TFAP2D: variants seen among roughly 807,000 people sequenced by gnomAD.
TFAP2D encodes transcription factor AP-2 delta.
A neutral mutation model predicts 43.6 loss-of-function variants in TFAP2D; 9 were observed. The observed-to-expected ratio is 0.21, with a 90% confidence interval of 0.12 to 0.36. The LOEUF (loss-of-function observed/expected upper bound fraction) is 0.36, where lower values mean the gene tolerates loss of function less well. TFAP2D is among the 10% of genes least tolerant of loss of function. TFAP2D has a pLI of 1.00. For synonymous variants in TFAP2D, 256 were observed against 224.9 expected, an observed-to-expected ratio of 1.14 and a Z score of -1.24; for missense variants, 513 against 561.4, an observed-to-expected ratio of 0.91 and a Z score of 0.87.
chr6:50,751,622 G>T (rs1332577946), intron 7 of TFAP2D, among the ~76,000 whole-genome samples: 1 of 151,848 alleles, frequency 6.6e-6, no homozygotes, highest in Non-Finnish European at 1.5e-5. Context: ...TGATGAAAGG[G>T]CCAAACAAGA....
At chr6:50,732,683 CAG>C (rs1768910690) in intron 5 of TFAP2D, among the ~76,000 whole-genome samples, 1 of 151,938 alleles carries the variant, frequency 6.6e-6, no homozygotes. Context: ...GCTTTCCACA[CAG>C]AGATGATGTA....
At chr6:50,766,960 G>A (rs543099111) in intron 7 of TFAP2D, among the ~76,000 whole-genome samples, 38 of 152,238 alleles carry the variant, frequency 2.5e-4, no homozygotes, top group Non-Finnish European at 1.5e-5. Flanking sequence ...GAGCCACCGT[G>A]CCCGGCCTGC....
intron 7 of TFAP2D, among the ~76,000 whole-genome samples, chr6:50,757,492 A>AT (rs1769292863): frequency 2.1e-5 from 2 of 97,462 alleles, no homozygotes; most frequent in African/African-American, 8.0e-5. Flanking sequence ...TATATATATA[A>AT]TATATATAAT....
chr6:50,723,234 T>G (rs1768758072), intron 3 of TFAP2D, among the ~76,000 whole-genome samples: 1 of 152,238 alleles, frequency 6.6e-6, no homozygotes, highest in South Asian at 2.1e-4. Flanking sequence ...TTGCTCAGTC[T>G]GCCCATAACA....
chr6:50,740,293 G>A (rs185775055), intron 5 of TFAP2D, among the ~76,000 whole-genome samples: 3 of 152,272 alleles, frequency 2.0e-5, no homozygotes, highest in African/African-American at 4.8e-5. Flanking sequence ...TTGTTAGAGT[G>A]ACAGTTGATG....
Position 50,723,711 on chromosome 6 carries a change from G to A in TFAP2D, c.598+4561G>A, listed in dbSNP as rs542834483. Among the ~76,000 whole-genome samples the A allele has an allele frequency of 1.3e-3, 198 of 152,278 alleles. 1 individual carries two copies. The highest frequency in any genetic ancestry group is 1.9e-3 in the Non-Finnish European group (132 of 68,012). Reference sequence around the variant, plus strand: ...CTTTGTGGGCGTTGGGGGTTGTAGAGGGAAAGAGGTAGCTTTCCCACAGCC... The same window carrying A: ...CTTTGTGGGCGTTGGGGGTTGTAGAAGGAAAGAGGTAGCTTTCCCACAGCC... On this transcript the variant is annotated intron_variant, in intron 3 of 7. Coordinates refer to ENST00000008391, the MANE Select transcript of TFAP2D (RefSeq NM_172238.4).
intron 2 of TFAP2D, 74 bp downstream of exon 2, chr6:50,715,687 G>A (rs1307062194): frequency 4.0e-6 from 6 of 1,482,132 alleles, no homozygotes; most frequent in Middle Eastern, 1.8e-4. Flanking sequence ...TTAATGCTCC[G>A]ACTGTAAAGC....
chr6:50,751,439 C>G, intron 7 of TFAP2D, 115 bp downstream of exon 7: 1 of 683,594 alleles, frequency 1.5e-6, no homozygotes, highest in East Asian at 2.8e-5. Flanking sequence ...TGTCCTAGTC[C>G]TTTCAGATGG....
rs139194753 is a variant in TFAP2D at position 50,754,163 on chromosome 6, T to C, written c.1139+2839T>C. On this transcript the variant is annotated intron_variant, in intron 7 of 7. Transcript: ENST00000008391. ...CCCCAGCCTCTGTCAACTACCATTCTGTTTTGTGTTTCTGTGAATTTAACT... is the reference window on the plus strand; with the variant it reads ...CCCCAGCCTCTGTCAACTACCATTCCGTTTTGTGTTTCTGTGAATTTAACT... Among the ~76,000 whole-genome samples the C allele has an allele frequency of 5.3e-5, 8 of 152,074 alleles. No homozygotes were observed. The East Asian group carries it at 1.4e-3, about 26-fold the overall frequency.
intron 5 of TFAP2D, among the ~76,000 whole-genome samples, chr6:50,741,879 C>G (rs368052452): frequency 6.6e-6 from 1 of 151,948 alleles, no homozygotes; most frequent in South Asian, 2.1e-4. Context: ...CTGGGGCTTT[C>G]CTGGATTGCT....
chr6:50,764,060 C>T (rs1263305699), intron 7 of TFAP2D, among the ~76,000 whole-genome samples: 1 of 152,042 alleles, frequency 6.6e-6, no homozygotes, highest in Non-Finnish European at 1.5e-5. Context: ...AATTTAATAA[C>T]CCAGAGTTTC....
At chr6:50,734,229 A>C (rs1768932865) in intron 5 of TFAP2D, among the ~76,000 whole-genome samples, 1 of 151,842 alleles carries the variant, frequency 6.6e-6, no homozygotes, top group Admixed American at 6.6e-5. Flanking sequence ...CCACTTGCAA[A>C]ATCTATTAAC....
At chr6:50,759,550 A>G (rs1304781123) in intron 7 of TFAP2D, among the ~76,000 whole-genome samples, 1 of 152,054 alleles carries the variant, frequency 6.6e-6, no homozygotes, top group African/African-American at 2.4e-5. Flanking sequence ...GATAAAATTC[A>G]TTTTAAAAAG....
At chr6:50,716,335 C>G (rs1191298343) in intron 2 of TFAP2D, among the ~76,000 whole-genome samples, 1 of 151,982 alleles carries the variant, frequency 6.6e-6, no homozygotes, top group Non-Finnish European at 1.5e-5. Flanking sequence ...AGGTAATTTA[C>G]AAGTTTATTT....
At chr6:50,724,974 A>G (rs911825529) in intron 3 of TFAP2D, among the ~76,000 whole-genome samples, 3 of 151,616 alleles carry the variant, frequency 2.0e-5, no homozygotes, top group African/African-American at 7.3e-5. Context: ...CATTGTTTAG[A>G]TGGACAGACT....
At chr6:50,768,237 C>G (rs921244221) in intron 7 of TFAP2D, among the ~76,000 whole-genome samples, 1 of 115,664 alleles carries the variant, frequency 8.6e-6, no homozygotes, top group African/African-American at 3.3e-5. Flanking sequence ...TTTTTCCTGT[C>G]TAGGATCAAA....
chr6:50,757,245 A>AT (rs1254400506), intron 7 of TFAP2D, among the ~76,000 whole-genome samples: 1 of 147,272 alleles, frequency 6.8e-6, no homozygotes, highest in Non-Finnish European at 1.5e-5. Flanking sequence ...GAGAATAATT[A>AT]TATATATAAT....
intron 2 of TFAP2D, 87 bp from the exon 3 acceptor site, chr6:50,719,003 G>A: frequency 1.6e-6 from 2 of 1,260,648 alleles, no homozygotes. Context: ...CAGAGTTCAG[G>A]GATGGGCTAG....
In TFAP2D at chr6:50,713,838, T is replaced by G. The variant is rs1768567708; in HGVS notation, c.-218T>G. On this transcript the variant is annotated 5_prime_UTR_variant, in exon 1 of 8. Coordinates refer to ENST00000008391, the MANE Select transcript of TFAP2D (RefSeq NM_172238.4). ...TACAAAATCTGTTCCAGGGAGCTGCTTTTGTGCAGAGGGAAAATTTTGTTC... is the reference window on the plus strand; with the variant it reads ...TACAAAATCTGTTCCAGGGAGCTGCGTTTGTGCAGAGGGAAAATTTTGTTC... 1 of 633,712 alleles carries G rather than the reference T, an allele frequency of 1.6e-6. No individual in the cohort carries two copies. Among genetic ancestry groups the G allele is most frequent in the South Asian group, 2.0e-5 (1 of 49,460 alleles). The allele number at this position is 633,712 out of a possible 1,614,324, so 39.3% of individuals were successfully genotyped here. A position where few individuals can be genotyped will look rare whatever the true frequency, so the allele number is the denominator to read the frequency against.
Sources: allele counts gnomAD v4.1 joint callset (sites outside exome capture counted in the v4.1 genomes callset), GRCh38; gene constraint gnomAD v4.1.1; transcripts MANE v1.5; gene names NCBI Gene and HGNC (gene_info 2026-07-23, HGNC 2026-07-21).